The following TSHZ3 variants were observed in gnomAD, a reference collection of about 807,000 sequenced individuals.
TSHZ3 encodes teashirt zinc finger homeobox 3, also known as teashirt homolog 3.
A neutral mutation model predicts 64.5 loss-of-function variants in TSHZ3; 10 were observed. That is an observed-to-expected ratio of 0.16 (90% CI 0.10 to 0.26). The LOEUF (loss-of-function observed/expected upper bound fraction) is 0.26, where lower values mean the gene tolerates loss of function less well. TSHZ3 is among the 10% of genes least tolerant of loss of function. TSHZ3 has a pLI of 1.00. For synonymous variants in TSHZ3, 608 were observed against 593.1 expected, an observed-to-expected ratio of 1.03 and a Z score of -0.36; for missense variants, 1,242 against 1,421.7, an observed-to-expected ratio of 0.87 and a Z score of 2.03.
chr19:31,193,771 G>A (rs569949617), intron 5 of TSHZ3, among the ~76,000 whole-genome samples: 1 of 152,132 alleles, frequency 6.6e-6, no homozygotes, highest in Non-Finnish European at 1.5e-5. Context: ...CTTTGGAAAG[G>A]AGAACAAATA....
Position 31,277,754 on chromosome 19 carries a change from T to A in TSHZ3, c.2039A>T (p.Asp680Val). Reference protein sequence around the residue: ...SPSPPRDGCKDGSPLAEPVEN... With the variant: ...SPSPPRDGCKVGSPLAEPVEN... ...CACCGGCTCAGCGAGGGGGCTCCCA[T>A]CCTTGCACCCATCCCGCGGGGGGCT... Residue 680 changes from aspartate (D) to valine (V), a missense_variant, in exon 2 of 2, where the codon GAT becomes GTT. Physicochemically the swap from Asp to Val is radical, Grantham distance 152. Around this residue, in one of 4 missense-constraint regions of TSHZ3, gnomAD observed 550 missense variants for 545.1 expected, o/e 1.01. Coordinates refer to ENST00000240587, the MANE Select transcript of TSHZ3 (RefSeq NM_020856.4). The surrounding 1 kb of genome is among the most constrained non-coding windows in gnomAD (Gnocchi z 4.5). 10 of 1,529,824 alleles carry A rather than the reference T, an allele frequency of 6.5e-6. No homozygotes were observed. The highest frequency in any genetic ancestry group is 4.2e-5 in the African/African-American group (3 of 72,102). The allele number at this position is 1,529,824 out of a possible 1,614,324, so 94.8% of individuals were successfully genotyped here.
intron 5 of TSHZ3, among the ~76,000 whole-genome samples, chr19:31,201,153 T>C (rs1157325718): frequency 6.6e-6 from 1 of 152,202 alleles, no homozygotes; most frequent in Non-Finnish European, 1.5e-5. Flanking sequence ...TTCAAGACAG[T>C]AGGTAACAGA....
At chr19:31,190,976 T>C (rs1420473026) in intron 5 of TSHZ3, among the ~76,000 whole-genome samples, 2 of 152,116 alleles carry the variant, frequency 1.3e-5, no homozygotes, top group Non-Finnish European at 2.9e-5. Context: ...GCCAGTAAAT[T>C]TGAAGATAGA....
intron 1 of TSHZ3, among the ~76,000 whole-genome samples, chr19:31,342,221 T>C (rs982532040): frequency 1.3e-5 from 2 of 152,160 alleles, no homozygotes; most frequent in African/African-American, 4.8e-5. Flanking sequence ...AAAGAAAACA[T>C]CTTGATTGTG....
At chr19:31,193,011 G>T (rs1834583548) in intron 5 of TSHZ3, among the ~76,000 whole-genome samples, 1 of 152,126 alleles carries the variant, frequency 6.6e-6, no homozygotes, top group Non-Finnish European at 1.5e-5. Flanking sequence ...ACCTACAGGG[G>T]CCTCCCCTAA....
intron 5 of TSHZ3, among the ~76,000 whole-genome samples, chr19:31,194,120 C>T (rs2145141775): frequency 6.6e-6 from 1 of 152,250 alleles, no homozygotes; most frequent in Non-Finnish European, 1.5e-5. Context: ...GAATCAGCGC[C>T]AAAGTCGGGA....
At chr19:31,180,933 G>A (rs1396071842) in intron 5 of TSHZ3, among the ~76,000 whole-genome samples, 1 of 152,126 alleles carries the variant, frequency 6.6e-6, no homozygotes, top group African/African-American at 2.4e-5. Context: ...GAAAAAAGAT[G>A]AGCGATGTCA....
At chr19:31,291,126 C>T (rs918534544) in intron 1 of TSHZ3, among the ~76,000 whole-genome samples, 3 of 152,208 alleles carry the variant, frequency 2.0e-5, no homozygotes, top group Non-Finnish European at 4.4e-5. Flanking sequence ...GCTGCGGCTG[C>T]TCCTCTAGGG....
At chr19:31,172,239 C>A (rs1208404789) in intron 5 of TSHZ3, among the ~76,000 whole-genome samples, 1 of 152,194 alleles carries the variant, frequency 6.6e-6, no homozygotes, top group Non-Finnish European at 1.5e-5. Flanking sequence ...TTAGTGACAA[C>A]CAGCAAGTTG....
chr19:31,179,227 C>T (rs1367048102), intron 5 of TSHZ3, among the ~76,000 whole-genome samples: 1 of 152,140 alleles, frequency 6.6e-6, no homozygotes, highest in Non-Finnish European at 1.5e-5. Context: ...CACCTTGTGA[C>T]CTGAAGGGCC....
intron 4 of TSHZ3, among the ~76,000 whole-genome samples, chr19:31,209,749 T>C (rs1447653910): frequency 6.6e-6 from 1 of 152,052 alleles, no homozygotes; most frequent in Non-Finnish European, 1.5e-5. Flanking sequence ...CTCAATGGCA[T>C]AAGGTGTGGG....
intron 5 of TSHZ3, among the ~76,000 whole-genome samples, chr19:31,176,589 T>A (rs1254486692): frequency 6.6e-6 from 1 of 152,018 alleles, no homozygotes; most frequent in Non-Finnish European, 1.5e-5. Context: ...AAGCCAGAAG[T>A]TTGAGACTGG....
At chr19:31,200,002 T>A (rs903138692) in intron 5 of TSHZ3, among the ~76,000 whole-genome samples, 1 of 151,558 alleles carries the variant, frequency 6.6e-6, no homozygotes, top group African/African-American at 2.4e-5. Flanking sequence ...AAATGCAAAT[T>A]GGAGCAGCAA....
intron 1 of TSHZ3, among the ~76,000 whole-genome samples, chr19:31,306,565 G>A (rs778888059): frequency 4.6e-5 from 7 of 152,164 alleles, no homozygotes; most frequent in Non-Finnish European, 5.9e-5. Flanking sequence ...GCGTGTGTGC[G>A]TATGTATGCG....
intron 1 of TSHZ3, among the ~76,000 whole-genome samples, chr19:31,316,449 C>G (rs918701162): frequency 6.6e-6 from 1 of 152,108 alleles, no homozygotes; most frequent in African/African-American, 2.4e-5. Context: ...GTGGTGTGTA[C>G]GAGGCCTCTC....
Position 31,349,166 on chromosome 19 carries a change from G to A in TSHZ3, c.40+14C>T, listed in dbSNP as rs1432214999. On this transcript the variant is annotated intron_variant, in intron 1 of 1. Coordinates refer to ENST00000240587, the MANE Select transcript of TSHZ3 (RefSeq NM_020856.4). The stretch of plus-strand genomic sequence containing the variant: ...AGGAGGAGGAGAGCAGAAGGAAGGG[G>A]AAGCGGCTCGTACCTGCTGCGCGCC... The A allele has an allele frequency of 1.3e-6, 2 of 1,540,782 alleles. No individual in the cohort carries two copies. Among genetic ancestry groups the A allele is most frequent in the Non-Finnish European group, 1.7e-6 (2 of 1,143,746 alleles).
chr19:31,274,071 C>T (rs1261048686), downstream of TSHZ3, among the ~76,000 whole-genome samples: 4 of 151,510 alleles, frequency 2.6e-5, no homozygotes, highest in Non-Finnish European at 5.9e-5. Context: ...TGGGGATGAG[C>T]GGAAAAACCG....
chr19:31,160,347 C>T (rs906256605), intron 5 of TSHZ3, among the ~76,000 whole-genome samples: 39 of 152,274 alleles, frequency 2.6e-4, no homozygotes, highest in African/African-American at 7.9e-4. Context: ...AAAACAACAA[C>T]GCTCTGCGGT....
At chr19:31,179,012 C>A (rs1487133490) in intron 5 of TSHZ3, among the ~76,000 whole-genome samples, 3 of 105,396 alleles carry the variant, frequency 2.8e-5, no homozygotes, top group Non-Finnish European at 5.6e-5. Context: ...CTGCAGAAGG[C>A]ACTGATGATG....
Sources: allele counts gnomAD v4.1 joint callset (sites outside exome capture counted in the v4.1 genomes callset), GRCh38; gene constraint gnomAD v4.1.1; regional missense constraint gnomAD v4.1.1; non-coding constraint Gnocchi (gnomAD v3.1); transcripts MANE v1.5; gene names NCBI Gene and HGNC (gene_info 2026-07-23, HGNC 2026-07-21).